ADGRL3: variants seen among roughly 807,000 people sequenced by gnomAD.
The protein encoded by ADGRL3 is adhesion G protein-coupled receptor L3.
In ADGRL3, 62 loss-of-function variants were observed where a neutral mutation model predicts 153.5. The observed-to-expected ratio is 0.40, with a 90% CI of 0.33 to 0.50. ADGRL3 has a LOEUF of 0.50. Ranked by LOEUF, ADGRL3 falls within the 20% of genes least tolerant of loss-of-function variation. ADGRL3 has a pLI of 0.47. For missense variants in ADGRL3, 1,641 were observed against 1,859.4 expected (o/e 0.88, Z 2.16); for synonymous variants, 710 against 672.5 (o/e 1.06, Z -0.86).
chr4:61,893,093 CTCCT>C lies in ADGRL3; in HGVS notation c.1783+150_1783+153del, dbSNP rs1457644419. The C allele has an allele frequency of 1.2e-3, 468 of 397,752 alleles. 2 individuals carry two copies. Among genetic ancestry groups the C allele is most frequent in the Middle Eastern group, 4.4e-3 (7 of 1,606 alleles). 24.6% of individuals were successfully genotyped at this position (397,752 alleles called of 1,614,324 possible). On this transcript the variant is annotated intron_variant, in intron 10 of 26. Transcript: ENST00000683033. ...TCCCTCCCTCCTTGTCTCTTTCTTT[CTCCT>C]TCCTTCCTTCCTTCTTTCTTTCTCT...
At chr4:61,743,826 G>T (rs565755529) in intron 8 of ADGRL3, among the ~76,000 whole-genome samples, 78 of 152,184 alleles carry the variant, frequency 5.1e-4, no homozygotes, top group Non-Finnish European at 9.8e-4. Context: ...TGAGGTACCG[G>T]GTTCATCTCA....
At chr4:61,898,622 CTT>C (rs1346233783) in intron 11 of ADGRL3, among the ~76,000 whole-genome samples, 6 of 142,316 alleles carry the variant, frequency 4.2e-5, no homozygotes, top group African/African-American at 7.7e-5. Context: ...TCACCCTAAT[CTT>C]TTTTTTTTTT....
intron 2 of ADGRL3, among the ~76,000 whole-genome samples, chr4:61,386,918 C>T (rs535398134): frequency 6.6e-5 from 10 of 152,100 alleles, no homozygotes; most frequent in South Asian, 2.1e-4. Context: ...GAATTCAGTC[C>T]GTGCAACATA....
At chr4:61,852,981 C>T (rs1011807116) in intron 9 of ADGRL3, among the ~76,000 whole-genome samples, 2 of 151,956 alleles carry the variant, frequency 1.3e-5, no homozygotes, top group African/African-American at 4.8e-5. Flanking sequence ...GTAGTTTATC[C>T]TTCTTTCCAT....
intron 9 of ADGRL3, among the ~76,000 whole-genome samples, chr4:61,882,536 C>G (rs578142030): frequency 1.3e-5 from 2 of 152,274 alleles, no homozygotes; most frequent in African/African-American, 4.8e-5. Flanking sequence ...TGAAAGCCTT[C>G]CAGTGGCTTC....
intron 1 of ADGRL3, among the ~76,000 whole-genome samples, chr4:61,235,978 T>G (rs1360446110): frequency 6.6e-6 from 1 of 151,422 alleles, no homozygotes. Context: ...TTCCTATATG[T>G]GCTTTCTTTA....
At chr4:61,938,750 C>A (rs1374742898) in intron 15 of ADGRL3, among the ~76,000 whole-genome samples, 2 of 149,662 alleles carry the variant, frequency 1.3e-5, no homozygotes, top group African/African-American at 2.5e-5. Context: ...CCCAGAGCAA[C>A]GTCTCCGCAA....
intron 6 of ADGRL3, among the ~76,000 whole-genome samples, chr4:61,709,485 T>C (rs1016358453): frequency 7.9e-5 from 12 of 152,324 alleles, no homozygotes; most frequent in Admixed American, 7.8e-4. Context: ...CAAACATCTG[T>C]GCCAGGCTTT....
At chr4:62,065,267 T>C (rs1334488096) in intron 25 of ADGRL3, among the ~76,000 whole-genome samples, 1 of 152,064 alleles carries the variant, frequency 6.6e-6, no homozygotes, top group Non-Finnish European at 1.5e-5. Flanking sequence ...CTGTAATGAA[T>C]CAGAACCATC....
intron 17 of ADGRL3, among the ~76,000 whole-genome samples, chr4:61,962,151 A>G (rs1265016459): frequency 6.6e-6 from 1 of 151,996 alleles, no homozygotes; most frequent in African/African-American, 2.4e-5. Flanking sequence ...AGGCAGGAAA[A>G]TTGCTTGAAC....
intron 1 of ADGRL3, among the ~76,000 whole-genome samples, chr4:61,297,451 A>G (rs1340273627): frequency 1.3e-5 from 2 of 152,156 alleles, no homozygotes; most frequent in African/African-American, 4.8e-5. Context: ...AAAAATAAAG[A>G]TGTTGAAAAT....
At chr4:61,531,451 G>A (rs2098614138) in intron 4 of ADGRL3, among the ~76,000 whole-genome samples, 1 of 152,160 alleles carries the variant, frequency 6.6e-6, no homozygotes, top group Non-Finnish European at 1.5e-5. Context: ...GGCAGCCTCA[G>A]GGATTCATTC....
intron 1 of ADGRL3, among the ~76,000 whole-genome samples, chr4:61,296,255 A>G (rs1242473556): frequency 6.6e-6 from 1 of 152,198 alleles, no homozygotes; most frequent in Non-Finnish European, 1.5e-5. Flanking sequence ...GAGTGCAGCG[A>G]TGAAAAATCA....
At chr4:61,401,297 G>A (rs2096927589) in intron 2 of ADGRL3, among the ~76,000 whole-genome samples, 1 of 151,810 alleles carries the variant, frequency 6.6e-6, no homozygotes, top group African/African-American at 2.4e-5. Context: ...ACAGTAAAAA[G>A]GAGTTGAAGT....
intron 6 of ADGRL3, among the ~76,000 whole-genome samples, chr4:61,729,869 T>C (rs866169483): frequency 2.6e-5 from 4 of 152,184 alleles, no homozygotes; most frequent in East Asian, 3.9e-4. Flanking sequence ...TCTCTATTTT[T>C]ATAAGTGTAT....
At chr4:61,667,745 GCAAA>G (rs1358305563) in intron 5 of ADGRL3, among the ~76,000 whole-genome samples, 1 of 152,052 alleles carries the variant, frequency 6.6e-6, no homozygotes, top group African/African-American at 2.4e-5. Context: ...TGTGATAAAA[GCAAA>G]CAAACAAACA....
At chr4:61,635,180 A>G (rs1456030818) in intron 5 of ADGRL3, among the ~76,000 whole-genome samples, 3 of 152,168 alleles carry the variant, frequency 2.0e-5, no homozygotes, top group Non-Finnish European at 4.4e-5. Context: ...CATCATAGGT[A>G]CATATGCACA....
At chr4:61,297,434 C>A (rs1005414074) in intron 1 of ADGRL3, among the ~76,000 whole-genome samples, 1 of 151,822 alleles carries the variant, frequency 6.6e-6, no homozygotes, top group Non-Finnish European at 1.5e-5. Flanking sequence ...CTTTGAGGAA[C>A]TATGGGAAAA....
chr4:61,961,718 A>G (rs1290388625), intron 17 of ADGRL3, among the ~76,000 whole-genome samples: 2 of 152,208 alleles, frequency 1.3e-5, no homozygotes, highest in Non-Finnish European at 2.9e-5. Context: ...TAGTCTTTCT[A>G]TTTGAGGAGG....
Sources: allele counts gnomAD v4.1 joint callset (sites outside exome capture counted in the v4.1 genomes callset), GRCh38; gene constraint gnomAD v4.1.1; transcripts MANE v1.5; gene names NCBI Gene and HGNC (gene_info 2026-07-23, HGNC 2026-07-21).